Variants in PCDH11X observed in about 807,000 individuals in gnomAD.
PCDH11X encodes protocadherin-11 X-linked.
In PCDH11X, 18 loss-of-function variants were observed where a neutral mutation model predicts 53.3. The ratio of observed to expected loss-of-function variants is 0.34; its 90% confidence interval spans 0.23 to 0.50. PCDH11X has a LOEUF of 0.50. Ranked by LOEUF, PCDH11X falls within the 20% of genes least tolerant of loss-of-function variation. PCDH11X has a pLI of 0.98. For missense variants in PCDH11X, 570 were observed against 1,032.4 expected (o/e 0.55, Z 6.14); for synonymous variants, 279 against 393.3 (o/e 0.71, Z 3.44).
chrX:91,884,190 C>CAAAAAAAAAA (rs34953838), intron 6 of PCDH11X, among the ~76,000 whole-genome samples: 10 of 37,695 alleles, frequency 2.7e-4, no homozygotes, highest in African/African-American at 1.1e-3. Flanking sequence ...GACTCCGTCT[C>CAAAAAAAAAA]AAAAAAAAAA....
At chrX:92,409,736 C>T (rs2071603043) in intron 9 of PCDH11X, among the ~76,000 whole-genome samples, 1 of 112,113 alleles carries the variant, frequency 8.9e-6, no homozygotes, top group Admixed American at 9.5e-5. Context: ...TGGCTAAACT[C>T]AAGTGAAGAT....
intron 1 of PCDH11X, among the ~76,000 whole-genome samples, chrX:91,785,015 A>G (rs1244404132): frequency 1.9e-5 from 2 of 107,024 alleles, no homozygotes; most frequent in Admixed American, 1.0e-4. Context: ...TTATGCCTGC[A>G]AATGTCTGTT....
chrX:92,531,970 G>T (rs2074565008), intron 10 of PCDH11X, among the ~76,000 whole-genome samples: 1 of 110,798 alleles, frequency 9.0e-6, no homozygotes, highest in Non-Finnish European at 1.9e-5. Flanking sequence ...ATACTACAGG[G>T]ACAAAGTGGA....
intron 9 of PCDH11X, among the ~76,000 whole-genome samples, chrX:92,449,264 A>G (rs2072727653): frequency 8.9e-6 from 1 of 111,743 alleles, no homozygotes; most frequent in Non-Finnish European, 1.9e-5. Flanking sequence ...CTATTTGAGA[A>G]CTACACAACT....
intron 6 of PCDH11X, among the ~76,000 whole-genome samples, chrX:91,972,195 C>A (rs1305279565): frequency 9.7e-6 from 1 of 102,892 alleles, no homozygotes; most frequent in Non-Finnish European, 2.0e-5. Flanking sequence ...TCTCTGATGG[C>A]CAGTGAAGAT....
intron 6 of PCDH11X, among the ~76,000 whole-genome samples, chrX:91,906,931 A>T (rs1389207121): frequency 9.1e-6 from 1 of 110,377 alleles, no homozygotes; most frequent in Non-Finnish European, 1.9e-5. Flanking sequence ...AATTTTTATT[A>T]CTCTTTTACT....
At position 92,300,776 on chromosome X, in the gene PCDH11X, G is replaced by A. The variant is rs778672900; in HGVS notation, c.3144+37633G>A. Among the ~76,000 whole-genome samples the A allele has an allele frequency of 2.7e-5, 3 of 111,918 alleles. No individual in the cohort carries two copies. In the South Asian group the frequency reaches 1.1e-3, roughly 41 times the overall value. ...ACAGGCATGAGCCACTGTGCCCAGC[G>A]AGGAATTTTCATTATTATGATTATT... On this transcript the variant is annotated intron_variant, in intron 8 of 10. Transcript: ENST00000682573.
intron 10 of PCDH11X, among the ~76,000 whole-genome samples, chrX:92,511,194 G>T (rs2074155073): frequency 1.8e-5 from 2 of 111,798 alleles, no homozygotes; most frequent in Admixed American, 1.9e-4. Flanking sequence ...CTGCGATATA[G>T]GTCTGAGATG....
At chrX:92,353,305 T>C (rs1418020279) in intron 8 of PCDH11X, among the ~76,000 whole-genome samples, 5 of 112,118 alleles carry the variant, frequency 4.5e-5, no homozygotes, top group South Asian at 3.7e-4. Flanking sequence ...AGAAAGAACT[T>C]GTGAGTTAAT....
chrX:91,804,266 A>G (rs1443784936), intron 1 of PCDH11X, among the ~76,000 whole-genome samples: 1 of 111,292 alleles, frequency 9.0e-6, no homozygotes, highest in Admixed American at 9.6e-5. Flanking sequence ...TGAGAATATG[A>G]TTTATTTACA....
intron 9 of PCDH11X, among the ~76,000 whole-genome samples, chrX:92,425,493 G>A (rs918503380): frequency 2.8e-5 from 3 of 106,507 alleles, no homozygotes; most frequent in Admixed American, 1.0e-4. Flanking sequence ...AATTAGAGAC[G>A]GTGAAGACTT....
intron 7 of PCDH11X, among the ~76,000 whole-genome samples, chrX:92,232,496 A>T (rs1165679326): frequency 9.0e-6 from 1 of 111,587 alleles, no homozygotes; most frequent in Non-Finnish European, 1.9e-5. Context: ...AGAAATATAA[A>T]TATCTTATGA....
intron 5 of PCDH11X, among the ~76,000 whole-genome samples, chrX:91,867,843 A>G (rs772383186): frequency 2.1e-4 from 24 of 111,944 alleles, no homozygotes; most frequent in African/African-American, 7.1e-4. Context: ...ATTTATAAAA[A>G]AAGACACGTC....
At chrX:92,524,706 G>C (rs1271686718) in intron 10 of PCDH11X, among the ~76,000 whole-genome samples, 2 of 110,309 alleles carry the variant, frequency 1.8e-5, no homozygotes, top group Non-Finnish European at 3.8e-5. Flanking sequence ...CCCTTCAATA[G>C]ACTCTTGTTT....
chrX:92,356,058 T>C (rs911550774), intron 8 of PCDH11X, among the ~76,000 whole-genome samples: 5 of 112,041 alleles, frequency 4.5e-5, no homozygotes, highest in African/African-American at 1.6e-4. Flanking sequence ...TCAATGCTCC[T>C]GGTAAATGTT....
At position 92,309,605 on chromosome X, in the gene PCDH11X, T is replaced by A. The variant is rs186010709; in HGVS notation, c.3144+46462T>A. ...TGACAGTTTCACAACAATGTGCATG[T>A]ACTTAATGCTACTGAAGTGTACACT... On this transcript the variant is annotated intron_variant, in intron 8 of 10. Transcript: ENST00000682573. Among the ~76,000 whole-genome samples the A allele has an allele frequency of 6.4e-3, 723 of 112,116 alleles. 2 individuals are homozygous for A. The highest frequency in any genetic ancestry group is 0.023 in the Middle Eastern group (5 of 219).
Position 92,529,120 on chromosome X carries a change from A to C in PCDH11X, c.3367+60798A>C, listed in dbSNP as rs951773139. 9.0e-5 allele frequency among the ~76,000 whole-genome samples: 10 copies of C among 111,656 alleles called. 1 individual carries two copies. The highest frequency in any genetic ancestry group is 1.5e-4 in the Non-Finnish European group (8 of 53,115). On this transcript the variant is annotated intron_variant, in intron 10 of 10. Transcript: ENST00000682573. ...ATTTTTATGGGTTTATAGGATGAAA[A>C]AATTTTCTGGAGAAAAAAACACAGT...
chrX:92,136,964 G>A (rs1214025225), intron 6 of PCDH11X, among the ~76,000 whole-genome samples: 3 of 99,585 alleles, frequency 3.0e-5, no homozygotes, highest in Non-Finnish European at 6.0e-5. Flanking sequence ...TTCTCTACTC[G>A]TCATTTTTGT....
intron 8 of PCDH11X, among the ~76,000 whole-genome samples, chrX:92,383,825 C>T (rs1309015812): frequency 9.0e-6 from 1 of 111,676 alleles, no homozygotes; most frequent in African/African-American, 3.3e-5. Flanking sequence ...ATTTATAATC[C>T]TTTGGGTATA....
Sources: gnomAD v4.1 joint callset for allele counts (sites outside exome capture counted in the v4.1 genomes callset) on GRCh38, gnomAD v4.1.1 for gene constraint, MANE v1.5 for transcripts, NCBI Gene and HGNC (gene_info 2026-07-23, HGNC 2026-07-21) for gene names.